The following SCHIP1 variants were observed in gnomAD, a reference collection of about 807,000 sequenced individuals.
SCHIP1 encodes the protein schwannomin interacting protein 1, also known as schwannomin-interacting protein 1.
SCHIP1 carries 8 observed loss-of-function variants against 29.7 expected under a neutral mutation model. That is an observed-to-expected ratio of 0.27 (90% CI 0.16 to 0.49). The LOEUF (loss-of-function observed/expected upper bound fraction) is 0.49. Among genes scored for constraint, SCHIP1 ranks in the 20% least tolerant of loss-of-function variants. SCHIP1 has a pLI of 0.99. For missense variants in SCHIP1, 193 were observed against 294.6 expected (o/e 0.66, Z 2.52); for synonymous variants, 76 against 94.9 (o/e 0.80, Z 1.16).
chr3:159,334,848 A>G, the SCHIP1 span, among the ~76,000 whole-genome samples: 3 of 151,628 alleles, frequency 2.0e-5, no homozygotes, highest in African/African-American at 7.3e-5. Flanking sequence ...ATAGACATTC[A>G]TGTACAGGTT....
chr3:159,283,046 C>T, the SCHIP1 span, among the ~76,000 whole-genome samples: 1 of 151,984 alleles, frequency 6.6e-6, no homozygotes, highest in Non-Finnish European at 1.5e-5. Context: ...TTGTTCTTAC[C>T]ATCTAGGAAC....
At chr3:159,747,270 T>C in the SCHIP1 span, among the ~76,000 whole-genome samples, 1 of 152,192 alleles carries the variant, frequency 6.6e-6, no homozygotes, top group Non-Finnish European at 1.5e-5. Flanking sequence ...TCTTTTCCTC[T>C]AAACTCCTCT....
the SCHIP1 span, among the ~76,000 whole-genome samples, chr3:159,714,135 G>A: frequency 2.0e-5 from 3 of 152,176 alleles, no homozygotes; most frequent in African/African-American, 7.2e-5. Flanking sequence ...TACTTGGGAG[G>A]CTGAGGGGGA....
At chr3:159,593,765 T>C in the SCHIP1 span, among the ~76,000 whole-genome samples, 4 of 152,316 alleles carry the variant, frequency 2.6e-5, no homozygotes, top group South Asian at 2.1e-4. Context: ...TCTCAACAAG[T>C]GTCCAAATGG....
the SCHIP1 span, among the ~76,000 whole-genome samples, chr3:159,474,401 A>G: frequency 1.3e-5 from 2 of 152,160 alleles, no homozygotes; most frequent in Admixed American, 1.3e-4. Flanking sequence ...GACAACTTCT[A>G]AAATGGTGTG....
chr3:159,395,887 G>T, the SCHIP1 span, among the ~76,000 whole-genome samples: 1 of 151,880 alleles, frequency 6.6e-6, no homozygotes, highest in African/African-American at 2.4e-5. Context: ...TTGACTTTCT[G>T]TCTCATTGAT....
chr3:159,371,175 A>T, the SCHIP1 span, among the ~76,000 whole-genome samples: 6 of 152,140 alleles, frequency 3.9e-5, no homozygotes, highest in Admixed American at 2.0e-4. Context: ...CTCAACAAAT[A>T]TTTGTTGAAT....
At chr3:159,306,376 G>A in the SCHIP1 span, 1 of 85,268 alleles carries the variant, frequency 1.2e-5, no homozygotes, top group South Asian at 3.1e-4. Context: ...TTCTGAGCTG[G>A]TTCCAGTACA....
the SCHIP1 span, among the ~76,000 whole-genome samples, chr3:159,816,825 TG>T: frequency 6.6e-6 from 1 of 152,188 alleles, no homozygotes; most frequent in Non-Finnish European, 1.5e-5. Flanking sequence ...CCTTTGTTTT[TG>T]TGGTACCCTT....
the SCHIP1 span, among the ~76,000 whole-genome samples, chr3:159,715,187 C>A: frequency 6.6e-6 from 1 of 152,238 alleles, no homozygotes; most frequent in Admixed American, 6.5e-5. Context: ...AAGGTTCTGA[C>A]TGTTAGAAGG....
chr3:159,295,921 CAAT>C, the SCHIP1 span, among the ~76,000 whole-genome samples: 239 of 151,966 alleles, frequency 1.6e-3, no homozygotes, highest in African/African-American at 5.5e-3. Context: ...ACATATATGT[CAAT>C]GATACGGGAA....
the SCHIP1 span, among the ~76,000 whole-genome samples, chr3:159,387,741 C>T: frequency 6.6e-6 from 1 of 152,164 alleles, no homozygotes. Context: ...TTCTTACACA[C>T]ACACCACACA....
At chr3:159,594,362 C>T in the SCHIP1 span, among the ~76,000 whole-genome samples, 3 of 152,208 alleles carry the variant, frequency 2.0e-5, no homozygotes, top group East Asian at 1.9e-4. Context: ...TAATTGCCTT[C>T]GGACACTGAG....
the SCHIP1 span, among the ~76,000 whole-genome samples, chr3:159,725,369 A>G: frequency 2.6e-5 from 4 of 151,404 alleles, no homozygotes; most frequent in Non-Finnish European, 5.9e-5. Context: ...TCCTGGGTTC[A>G]AGAGATTCTC....
At chr3:159,689,805 G>T in the SCHIP1 span, among the ~76,000 whole-genome samples, 1 of 152,188 alleles carries the variant, frequency 6.6e-6, no homozygotes, top group African/African-American at 2.4e-5. Context: ...TTTTTAGCAT[G>T]AAGGGGTGTT....
chr3:159,684,414 T>C, the SCHIP1 span, among the ~76,000 whole-genome samples: 1 of 152,182 alleles, frequency 6.6e-6, no homozygotes, highest in African/African-American at 2.4e-5. Context: ...TTGCCCCTTC[T>C]CTCAGGAAAG....
At chr3:159,410,080 GA>G in the SCHIP1 span, among the ~76,000 whole-genome samples, 4 of 152,144 alleles carry the variant, frequency 2.6e-5, no homozygotes, top group East Asian at 3.9e-4. Flanking sequence ...ATATGCAGAA[GA>G]ATAAAGCTAT....
chr3:159,446,041 T>TAA, the SCHIP1 span, among the ~76,000 whole-genome samples: 1 of 151,518 alleles, frequency 6.6e-6, no homozygotes, highest in Admixed American at 6.6e-5. Context: ...ATAATAATAA[T>TAA]AAAAAGAAAA....
At chr3:159,441,675 T>C in the SCHIP1 span, among the ~76,000 whole-genome samples, 1 of 151,952 alleles carries the variant, frequency 6.6e-6, no homozygotes, top group Non-Finnish European at 1.5e-5. Flanking sequence ...AACACACCAA[T>C]ACAAAAATCT....
Sources: gnomAD v4.1 joint callset for allele counts (sites outside exome capture counted in the v4.1 genomes callset) on GRCh38, gnomAD v4.1.1 for gene constraint, MANE v1.5 for transcripts, NCBI Gene and HGNC (gene_info 2026-07-23, HGNC 2026-07-21) for gene names.